Variants in WWP2 observed in about 807,000 individuals in gnomAD.
WWP2 encodes the protein NEDD4-like E3 ubiquitin-protein ligase WWP2.
Under a neutral mutation model 121.0 loss-of-function variants are expected in WWP2, and 57 were observed. The ratio of observed to expected loss-of-function variants is 0.47; its 90% CI spans 0.38 to 0.59. The LOEUF (loss-of-function observed/expected upper bound fraction) is 0.59. Ranked by LOEUF, WWP2 falls within the 20% of genes least tolerant of loss-of-function variation. The probability of loss-of-function intolerance (pLI) is 0.00; values close to 1 mark genes in which losing one functional copy is unlikely to be tolerated. For synonymous variants in WWP2, 449 were observed against 441.3 expected, an observed-to-expected ratio of 1.02 and a Z score of -0.22; for missense variants, 962 against 1,158.9, an observed-to-expected ratio of 0.83 and a Z score of 2.47.
chr16:69,801,455 G>A (rs2056165003), intron 4 of WWP2, among the ~76,000 whole-genome samples: 1 of 151,982 alleles, frequency 6.6e-6, no homozygotes, highest in Non-Finnish European at 1.5e-5. Flanking sequence ...GGATGGTCTG[G>A]AACTCCTGAG....
intron 11 of WWP2, among the ~76,000 whole-genome samples, chr16:69,927,002 C>G (rs1217554623): frequency 6.6e-6 from 1 of 152,068 alleles, no homozygotes; most frequent in Non-Finnish European, 1.5e-5. Flanking sequence ...CAGGTAAGCA[C>G]AGCTGATGGA....
At chr16:69,924,882 G>A (rs1028805410) in intron 10 of WWP2, 9 of 978,214 alleles carry the variant, frequency 9.2e-6, no homozygotes, top group South Asian at 4.7e-5. Flanking sequence ...TGGGAGGTTG[G>A]GGGGGACGCC....
intron 4 of WWP2, among the ~76,000 whole-genome samples, chr16:69,810,808 G>A (rs962339779): frequency 4.7e-5 from 7 of 149,604 alleles, no homozygotes; most frequent in African/African-American, 1.7e-4. Context: ...AGACTGGAGT[G>A]CAGTGGCACA....
At chr16:69,801,524 T>G (rs181962121) in intron 4 of WWP2, among the ~76,000 whole-genome samples, 1 of 152,124 alleles carries the variant, frequency 6.6e-6, no homozygotes, top group East Asian at 1.9e-4. Flanking sequence ...TGCGAGCCAC[T>G]GCGTCTGGCC....
chr16:69,805,224 C>T (rs750677116), intron 4 of WWP2, among the ~76,000 whole-genome samples: 3 of 151,744 alleles, frequency 2.0e-5, no homozygotes, highest in Non-Finnish European at 4.4e-5. Context: ...TTGGTAGAGA[C>T]GGGGTTTCAT....
At position 69,883,400 on chromosome 16, in the gene WWP2, G is replaced by GCACACACA. The variant is rs59771717; in HGVS notation, c.704-4619_704-4612dup. ...AAGCTTTCATGTTCTAAGAATGTGC[G>GCACACACA]CACACACACACACACACACACACAC... On this transcript the variant is annotated intron_variant, in intron 7 of 23. Transcript: ENST00000359154. Among the ~76,000 whole-genome samples, 459 of 145,964 alleles carry GCACACACA rather than the reference G, an allele frequency of 3.1e-3. 4 individuals carry two copies. The highest frequency in any genetic ancestry group is 0.015 in the East Asian group (76 of 4,988).
At chr16:69,806,397 A>T (rs2056275202) in intron 4 of WWP2, among the ~76,000 whole-genome samples, 2 of 152,242 alleles carry the variant, frequency 1.3e-5, no homozygotes, top group South Asian at 4.1e-4. Flanking sequence ...TATTTTTGTC[A>T]GCTTTGGAAT....
chr16:69,785,729 C>A (rs905959109), intron 1 of WWP2, among the ~76,000 whole-genome samples: 1 of 151,364 alleles, frequency 6.6e-6, no homozygotes, highest in Non-Finnish European at 1.5e-5. Flanking sequence ...CGAGTTCAAG[C>A]GATTCTCCTG....
Position 69,840,138 on chromosome 16 carries a change from A to G in WWP2, c.353A>G (p.Gln118Arg), listed in dbSNP as rs1466679267. Residue 118 changes from glutamine to arginine, a missense_variant, in exon 5 of 24, where the codon CAG becomes CGG. Physicochemically the swap from Gln to Arg is conservative, Grantham distance 43. This residue lies in a region of WWP2 where 145 missense variants were observed against 189.8 expected (regional missense o/e 0.76). Transcript: ENST00000359154. ...KNNGGKMENM[Q>R]LTLNLQTENK... is the part of the protein sequence containing the mutation. ...TTGTACCCCACAGTGGAGAACATGC[A>G]GCTGACCCTGAACCTGCAGACGGAG... is the stretch of plus-strand genomic sequence containing the variant. 3 of 1,614,248 alleles carry G rather than the reference A, an allele frequency of 1.9e-6. No individual in the cohort carries two copies. In the East Asian group the frequency reaches 6.7e-5, roughly 36 times the overall value.
chr16:69,807,991 T>C (rs1251617953), intron 4 of WWP2, among the ~76,000 whole-genome samples: 1 of 152,094 alleles, frequency 6.6e-6, no homozygotes, highest in African/African-American at 2.4e-5. Context: ...TTCTTAGTGT[T>C]ACAACTTGAA....
intron 4 of WWP2, among the ~76,000 whole-genome samples, chr16:69,804,889 T>C (rs1372321659): frequency 6.6e-6 from 1 of 152,196 alleles, no homozygotes; most frequent in African/African-American, 2.4e-5. Flanking sequence ...TTTAAAAACC[T>C]TTGGTATTAT....
At chr16:69,821,331 A>C (rs996601564) in intron 4 of WWP2, among the ~76,000 whole-genome samples, 1 of 152,190 alleles carries the variant, frequency 6.6e-6, no homozygotes, top group African/African-American at 2.4e-5. Context: ...GAGCTGTTGG[A>C]AAGAAAAGGT....
chr16:69,776,240 A>G (rs1426470543), intron 1 of WWP2: 3 of 152,254 alleles, frequency 2.0e-5, no homozygotes, highest in African/African-American at 7.2e-5. Context: ...CTCTTCCACC[A>G]GGTAGGATAA....
In WWP2 at chr16:69,840,272, C is replaced by T. The variant is rs374644051; in HGVS notation, c.478+9C>T. On this transcript the variant is annotated intron_variant, in intron 5 of 23. Transcript: ENST00000359154. ...CAGTGCCCTGACAGATGGTGAGTGCCGCCCTGCTCCTCAGGACTGTGCCGG... is the reference window on the plus strand; with the variant it reads ...CAGTGCCCTGACAGATGGTGAGTGCTGCCCTGCTCCTCAGGACTGTGCCGG... 247 of 1,613,702 alleles carry T rather than the reference C, an allele frequency of 1.5e-4. No homozygotes were observed. Among genetic ancestry groups the T allele is most frequent in the Non-Finnish European group, 2.0e-4 (232 of 1,179,866 alleles).
intron 21 of WWP2, among the ~76,000 whole-genome samples, chr16:69,938,336 C>T (rs1041914923): frequency 6.6e-6 from 1 of 152,186 alleles, no homozygotes; most frequent in African/African-American, 2.4e-5. Context: ...TTAAGATACA[C>T]AATTCAGTGG....
At chr16:69,932,779 C>G (rs2058736356) in intron 16 of WWP2, among the ~76,000 whole-genome samples, 1 of 152,210 alleles carries the variant, frequency 6.6e-6, no homozygotes, top group Non-Finnish European at 1.5e-5. Context: ...CATTGTCTTG[C>G]CTTCACCCTG....
At chr16:69,902,754 G>C (rs1412905915) in intron 8 of WWP2, among the ~76,000 whole-genome samples, 2 of 152,174 alleles carry the variant, frequency 1.3e-5, no homozygotes, top group Non-Finnish European at 2.9e-5. Context: ...CTTGGCATGG[G>C]GGGGACCAAA....
chr16:69,941,673 T>G lies in WWP2; in HGVS notation c.*1733T>G, dbSNP rs1055260820. 1.3e-5 allele frequency: 2 copies of G among 153,788 alleles called. No individual in the cohort carries two copies. The highest frequency in any genetic ancestry group is 4.8e-5 in the African/African-American group (2 of 41,440). The allele number at this position is 153,788 out of a possible 1,614,324, so 9.5% of individuals were successfully genotyped here. ...GCTAGCCATGGGCTGGTCACCAGATTGTTTTGTAATGCCCGCCCCTTGCCT... is the reference window on the plus strand; with the variant it reads ...GCTAGCCATGGGCTGGTCACCAGATGGTTTTGTAATGCCCGCCCCTTGCCT... On this transcript the variant is annotated 3_prime_UTR_variant, in exon 24 of 24. Transcript: ENST00000359154.
chr16:69,906,990 G>C (rs2058304898), intron 8 of WWP2, among the ~76,000 whole-genome samples: 1 of 152,200 alleles, frequency 6.6e-6, no homozygotes, highest in South Asian at 2.1e-4. Context: ...CATTAAAAAG[G>C]AACCTAATAA....
Sources: allele counts gnomAD v4.1 joint callset (sites outside exome capture counted in the v4.1 genomes callset), GRCh38; gene constraint gnomAD v4.1.1; regional missense constraint gnomAD v4.1.1; transcripts MANE v1.5; gene names NCBI Gene and HGNC (gene_info 2026-07-23, HGNC 2026-07-21).